The following SLA variants were observed in gnomAD, a reference collection of about 807,000 sequenced individuals.
The protein encoded by SLA is src-like-adapter.
A neutral mutation model predicts 30.3 loss-of-function variants in SLA; 16 were observed. The ratio of observed to expected loss-of-function variants is 0.53; its 90% CI spans 0.36 to 0.80. The LOEUF (loss-of-function observed/expected upper bound fraction) is 0.80, where lower values mean the gene tolerates loss of function less well. SLA is among the 30% of genes least tolerant of loss of function. The pLI, the probability that SLA is intolerant of heterozygous loss-of-function variation, is 0.01. For missense variants in SLA, 310 were observed against 345.2 expected (o/e 0.90, Z 0.81); for synonymous variants, 143 against 137.8 (o/e 1.04, Z -0.26).
At chr8:133,088,443 C>A (rs1371311090) in intron 1 of SLA, among the ~76,000 whole-genome samples, 2 of 152,190 alleles carry the variant, frequency 1.3e-5, no homozygotes, top group East Asian at 3.9e-4. Flanking sequence ...TCTAGCCCTG[C>A]TACTGATCAG....
At chr8:133,088,263 C>T (rs560821808) in intron 1 of SLA, among the ~76,000 whole-genome samples, 1 of 152,244 alleles carries the variant, frequency 6.6e-6, no homozygotes, top group Admixed American at 6.5e-5. Flanking sequence ...CCTGCTCCTC[C>T]TCCTCCTCCT....
At chr8:133,081,606 T>C (rs926377660) in intron 1 of SLA, among the ~76,000 whole-genome samples, 1 of 152,122 alleles carries the variant, frequency 6.6e-6, no homozygotes, top group Non-Finnish European at 1.5e-5. Flanking sequence ...AAGTAGCCGC[T>C]TTATGTCCAC....
chr8:133,079,537 G>A (rs1364911907), intron 1 of SLA, among the ~76,000 whole-genome samples: 4 of 152,122 alleles, frequency 2.6e-5, no homozygotes, highest in East Asian at 1.9e-4. Context: ...TTCAGGTCTC[G>A]GAGGAGTTCC....
rs889498133 is a variant in SLA, at chr8:133,037,087, C to T, written c.*1437G>A. On this transcript the variant is annotated 3_prime_UTR_variant, in exon 9 of 9. Transcript: ENST00000338087. ...ACTGCACATACACATACCAGTAGCA[C>T]GATGAGCTCAGATGGACGGAATGCT... 1.3e-5 allele frequency: 2 copies of T among 152,216 alleles called. No homozygotes were observed. The highest frequency in any genetic ancestry group is 4.8e-5 in the African/African-American group (2 of 41,444). 9.4% of individuals were successfully genotyped at this position (152,216 alleles called of 1,614,324 possible).
chr8:133,060,263 A>G, intron 2 of SLA, 63 bp from the exon 3 acceptor site: 1 of 1,607,636 alleles, frequency 6.2e-7, no homozygotes, highest in Non-Finnish European at 8.5e-7. Context: ...GTGGAGAATG[A>G]CCCAGTTTAG....
intron 1 of SLA, among the ~76,000 whole-genome samples, chr8:133,098,402 C>G (rs987958909): frequency 7.9e-5 from 12 of 152,124 alleles, no homozygotes; most frequent in Non-Finnish European, 1.3e-4. Flanking sequence ...TCTTGCTGCC[C>G]CTAAACACTG....
intron 2 of SLA, among the ~76,000 whole-genome samples, chr8:133,069,950 G>T (rs1313979076): frequency 2.9e-5 from 4 of 136,218 alleles, no homozygotes; most frequent in African/African-American, 1.1e-4. Flanking sequence ...GCAGTGAGCC[G>T]AGATTGTGCC....
intron 1 of SLA, chr8:133,096,181 CT>C (rs1564186021): frequency 2.5e-6 from 4 of 1,613,926 alleles, no homozygotes; most frequent in Non-Finnish European, 2.5e-6. Flanking sequence ...TCCAGGACAA[CT>C]GATTATTGTT....
intron 3 of SLA, among the ~76,000 whole-genome samples, chr8:133,056,814 G>A (rs1041711222): frequency 9.9e-5 from 15 of 152,196 alleles, no homozygotes; most frequent in African/African-American, 2.7e-4. Flanking sequence ...CTCATCTCTC[G>A]TTGTGTGTCA....
At chr8:133,102,092 TC>T (rs1409122105) in intron 1 of SLA, among the ~76,000 whole-genome samples, 2 of 152,204 alleles carry the variant, frequency 1.3e-5, no homozygotes, top group Admixed American at 1.3e-4. Flanking sequence ...AAATGTTCGT[TC>T]TTTTCCCTTA....
intron 1 of SLA, among the ~76,000 whole-genome samples, chr8:133,102,152 C>T (rs758750931): frequency 6.6e-6 from 1 of 152,154 alleles, no homozygotes; most frequent in Non-Finnish European, 1.5e-5. Context: ...GTTATCCCTT[C>T]TTCAGATAAT....
chr8:133,078,679 G>A (rs1845271156), intron 1 of SLA, among the ~76,000 whole-genome samples: 2 of 152,174 alleles, frequency 1.3e-5, no homozygotes, highest in African/African-American at 2.4e-5. Context: ...TACCCTCAAG[G>A]AGTTCAAAGC....
At chr8:133,061,354 C>G (rs1258787664) in intron 2 of SLA, among the ~76,000 whole-genome samples, 1 of 152,174 alleles carries the variant, frequency 6.6e-6, no homozygotes, top group Non-Finnish European at 1.5e-5. Context: ...ACTAATTGAA[C>G]AGTGTTGGGT....
At chr8:133,087,084 A>G (rs1309337981) in intron 1 of SLA, among the ~76,000 whole-genome samples, 6 of 46,196 alleles carry the variant, frequency 1.3e-4, no homozygotes, top group African/African-American at 4.4e-4. Context: ...ACACACACAC[A>G]CACACACACA....
At chr8:133,070,078 G>T (rs991880914) in intron 2 of SLA, among the ~76,000 whole-genome samples, 8 of 151,120 alleles carry the variant, frequency 5.3e-5, no homozygotes, top group Non-Finnish European at 8.8e-5. Flanking sequence ...AAGAAACAAT[G>T]TGGGCCTAGG....
rs541243054 is a variant in SLA at position 133,094,963 on chromosome 8, TGA to T, written c.-319+7588_-319+7589del. 1.8e-3 allele frequency: 2,892 copies of T among 1,595,144 alleles called. 4 individuals are homozygous for T. The highest frequency in any genetic ancestry group is 3.4e-3 in the South Asian group (306 of 90,322). On this transcript the variant is annotated intron_variant, in intron 1 of 8. Coordinates refer to ENST00000338087, the MANE Select transcript of SLA (RefSeq NM_001045556.3). ...AGCTTGGAGGAAGGATGCAGAACCC[TGA>T]TGTGGCACTGAGGACTCCAGGTGAG...
chr8:133,062,177 G>A (rs1842457750), intron 2 of SLA, among the ~76,000 whole-genome samples: 2 of 152,168 alleles, frequency 1.3e-5, no homozygotes, highest in South Asian at 4.1e-4. Context: ...GCAAATTTGA[G>A]GCTCGGGCCC....
At chr8:133,068,733 G>A (rs778015960) in intron 2 of SLA, among the ~76,000 whole-genome samples, 4 of 152,232 alleles carry the variant, frequency 2.6e-5, no homozygotes, top group Non-Finnish European at 4.4e-5. Flanking sequence ...ATACGGAGGC[G>A]GGCAGCAGAA....
At chr8:133,054,332 C>CAGAGAGAATTTTCGGG in intron 3 of SLA, among the ~76,000 whole-genome samples, 1 of 152,070 alleles carries the variant, frequency 6.6e-6, no homozygotes, top group South Asian at 2.1e-4. Flanking sequence ...AGAAGAAACC[C>CAGAGAGAATTTTCGGG]AGAGAGAATT....
Sources: allele counts gnomAD v4.1 joint callset (sites outside exome capture counted in the v4.1 genomes callset), GRCh38; gene constraint gnomAD v4.1.1; transcripts MANE v1.5; gene names NCBI Gene and HGNC (gene_info 2026-07-23, HGNC 2026-07-21).